Variants in KIF21B observed in about 807,000 individuals in gnomAD.
The protein encoded by KIF21B is kinesin family member 21B.
In KIF21B, 85 loss-of-function variants were observed where a neutral mutation model predicts 192.9. The ratio of observed to expected loss-of-function variants is 0.44; its 90% CI spans 0.37 to 0.53. The LOEUF (loss-of-function observed/expected upper bound fraction) is 0.53, where lower values mean the gene tolerates loss of function less well. Among genes scored for constraint, KIF21B ranks in the 20% least tolerant of loss-of-function variants. The pLI is 0.00. For synonymous variants in KIF21B, 832 were observed against 884.6 expected (o/e 0.94, Z 1.05); for missense variants, 1,716 against 2,194.8 (o/e 0.78, Z 4.36).
intron 1 of KIF21B, among the ~76,000 whole-genome samples, chr1:201,021,331 T>C (rs1658809868): frequency 6.6e-6 from 1 of 152,230 alleles, no homozygotes; most frequent in Admixed American, 6.5e-5. Context: ...GCGCTCATGC[T>C]GGGGTGGGAG....
chr1:200,974,272 C>A (rs907896539), intron 34 of KIF21B: 5 of 1,473,540 alleles, frequency 3.4e-6, no homozygotes, highest in Admixed American at 2.4e-5. Context: ...GGGACAAAGT[C>A]GGAACAAGAA....
chr1:200,978,571 T>G, intron 30 of KIF21B, among the ~76,000 whole-genome samples: 1 of 152,178 alleles, frequency 6.6e-6, no homozygotes, highest in South Asian at 2.1e-4. Flanking sequence ...ATGTTAGAGT[T>G]CACTCTTGGT....
Position 200,998,368 on chromosome 1 carries a change from AT to A in KIF21B, c.2077+15del, listed in dbSNP as rs775418365. ...GAGGGTCCGGATGGGGTGGAGGGGC[AT>A]GGCGGTGGCCTCACTGAGGTTCTGC... is the stretch of plus-strand genomic sequence containing the variant. On this transcript the variant is annotated intron_variant, in intron 14 of 34. Transcript: ENST00000461742. The surrounding 1 kb of genome is among the most constrained non-coding windows in gnomAD (Gnocchi z 4.3). 52 of 1,603,436 alleles carry A rather than the reference AT, an allele frequency of 3.2e-5. No individual in the cohort carries two copies. Among genetic ancestry groups the A allele is most frequent in the Non-Finnish European group, 4.2e-5 (49 of 1,173,778 alleles).
intron 27 of KIF21B, 57 bp downstream of exon 27, chr1:200,984,802 C>T: frequency 7.6e-7 from 1 of 1,312,494 alleles, no homozygotes; most frequent in Non-Finnish European, 1.0e-6. Flanking sequence ...GGACCATCCA[C>T]AGGCTCCCCA....
At chr1:201,011,927 A>G (rs1369198563) in intron 1 of KIF21B, among the ~76,000 whole-genome samples, 1 of 152,250 alleles carries the variant, frequency 6.6e-6, no homozygotes, top group Non-Finnish European at 1.5e-5. Flanking sequence ...AGGGGGAGCA[A>G]CAGCCCTGCT....
chr1:200,997,106 C>T (rs1168102851), intron 14 of KIF21B, among the ~76,000 whole-genome samples: 1 of 152,216 alleles, frequency 6.6e-6, no homozygotes, highest in Non-Finnish European at 1.5e-5. Context: ...TGGTCTCCAG[C>T]TTCCACTTTC....
intron 32 of KIF21B, among the ~76,000 whole-genome samples, chr1:200,976,097 T>C (rs1655533679): frequency 6.6e-6 from 1 of 152,158 alleles, no homozygotes. Flanking sequence ...CTTTCCAGTT[T>C]CTTTTTTGTT....
rs1657424995 is a variant in KIF21B at position 201,000,562 on chromosome 1, T to G, written c.1513A>C (p.Ser505Arg). The G allele has an allele frequency of 6.2e-7, 1 of 1,613,350 alleles. No homozygotes were observed. ...CTCCTAGCCGAGGCCCGTGAGAGGC[T>G]GCGGCGCAGGGACTCGTTCATGGCT... ...SEAMNESLRR[S>R]LSRASARSPY... The change falls in exon 11 of 35, where the codon AGC becomes CGC. Residue 505 changes from serine (S) to arginine (R), a missense_variant. Ser to Arg is a moderately radical substitution (Grantham distance 110, BLOSUM62 -1). Around this residue, in one of 3 missense-constraint regions of KIF21B, gnomAD observed 1,087 missense variants for 1,316.6 expected, o/e 0.83. Transcript: ENST00000461742. The surrounding 1 kb of genome is among the most constrained non-coding windows in gnomAD (Gnocchi z 6.0).
intron 24 of KIF21B, 61 bp from the exon 25 acceptor site, chr1:200,987,262 C>T: frequency 1.4e-6 from 2 of 1,457,472 alleles, no homozygotes; most frequent in Admixed American, 2.1e-5. Flanking sequence ...TAAAGGGGAG[C>T]CAGGGGAAAT....
intron 34 of KIF21B, 178 bp from the exon 35 acceptor site, chr1:200,973,756 G>GCTC (rs1404991390): frequency 6.8e-7 from 1 of 1,463,224 alleles, no homozygotes; most frequent in East Asian, 2.6e-5. Context: ...TGGGCAGATG[G>GCTC]AGAGGCCTGT....
intron 14 of KIF21B, among the ~76,000 whole-genome samples, chr1:200,997,070 T>C (rs1298167824): frequency 6.6e-6 from 1 of 152,206 alleles, no homozygotes; most frequent in African/African-American, 2.4e-5. Flanking sequence ...CCACCTCTCC[T>C]GGGATCTTTA....
chr1:200,988,781 A>G lies in KIF21B; in HGVS notation c.3283T>C (p.Tyr1095His). The G allele has an allele frequency of 6.2e-7, 1 of 1,613,526 alleles. No individual in the cohort carries two copies. The highest frequency in any genetic ancestry group is 2.2e-5 in the East Asian group (1 of 44,870). Residue 1095 changes from tyrosine (Y) to histidine (H), a missense_variant, in exon 22 of 35, where the codon TAC becomes CAC. Coordinates refer to ENST00000461742, the MANE Select transcript of KIF21B (RefSeq NM_001252102.2). ...EAHPELQALI[Y>H]NVQQENGYAS... is the part of the protein sequence containing the mutation. ...CTACCCGTACCCTGCTGCACATTGTAGATGAGGGCCTGCAGCTCGGGGTGA... is the reference window on the plus strand; with the variant it reads ...CTACCCGTACCCTGCTGCACATTGTGGATGAGGGCCTGCAGCTCGGGGTGA...
intron 1 of KIF21B, among the ~76,000 whole-genome samples, chr1:201,010,924 G>A (rs944645192): frequency 3.9e-5 from 6 of 152,234 alleles, no homozygotes; most frequent in Admixed American, 6.5e-5. Flanking sequence ...GCGGGGAGGG[G>A]TTGGGGGTGA....
At position 200,998,511 on chromosome 1, in the gene KIF21B, G is replaced by A. The variant is rs368106761; in HGVS notation, c.1950C>T (p.Ile650=). The stretch of plus-strand genomic sequence containing the variant: ...GCCGCTGGCTGTTCTCCAGCTCGTC[G>A]ATCAGCTTCTGCTTGATTTCGATCT... ...TCEIEIKQKL[I]DELENSQRRL... The change falls in exon 14 of 35, where the codon ATC becomes ATT. Residue 650 remains isoleucine (I), a synonymous_variant. Coordinates refer to ENST00000461742, the MANE Select transcript of KIF21B (RefSeq NM_001252102.2). The surrounding 1 kb of genome is among the most constrained non-coding windows in gnomAD (Gnocchi z 4.3). 7 of 1,613,806 alleles carry A rather than the reference G, an allele frequency of 4.3e-6. No individual in the cohort carries two copies. The highest frequency in any genetic ancestry group is 3.3e-5 in the Admixed American group (2 of 59,984).
chr1:200,987,532 C>A (rs1306312216), intron 24 of KIF21B, among the ~76,000 whole-genome samples: 1 of 152,190 alleles, frequency 6.6e-6, no homozygotes, highest in African/African-American at 2.4e-5. Flanking sequence ...GCATGAGCCA[C>A]CACACCCAGC....
intron 21 of KIF21B, among the ~76,000 whole-genome samples, chr1:200,989,571 T>C (rs1656538931): frequency 6.6e-6 from 1 of 152,182 alleles, no homozygotes; most frequent in South Asian, 2.1e-4. Flanking sequence ...GGTCTGTCTG[T>C]AGTTCCCCTA....
intron 3 of KIF21B, among the ~76,000 whole-genome samples, chr1:201,007,091 G>A (rs1256404030): frequency 1.1e-5 from 1 of 95,072 alleles, no homozygotes; most frequent in Non-Finnish European, 2.1e-5. Context: ...CACACACAGA[G>A]ACAGACACAC....
chr1:200,998,816 G>A lies in KIF21B; in HGVS notation c.1886-241C>T, dbSNP rs1191406527. 2.0e-5 allele frequency among the ~76,000 whole-genome samples: 3 copies of A among 152,288 alleles called. No homozygotes were observed. Among genetic ancestry groups the A allele is most frequent in the Admixed American group, 6.5e-5 (1 of 15,292 alleles). On this transcript the variant is annotated intron_variant, in intron 13 of 34. Coordinates refer to ENST00000461742, the MANE Select transcript of KIF21B (RefSeq NM_001252102.2). This position sits in a 1 kb window ranked among gnomAD's most constrained non-coding sequence, Gnocchi z 4.3. The stretch of plus-strand genomic sequence containing the variant: ...AGGAGCTGGCAGGGGGGATCTACAC[G>A]TCCTTCCCAGCCATTCGAGGCCAGC...
In KIF21B at chr1:200,991,678, G is replaced by T. The variant is rs1165724318; in HGVS notation, c.2433C>A (p.Val811=). 1.9e-6 allele frequency: 3 copies of T among 1,613,996 alleles called. No individual in the cohort carries two copies. In the African/African-American group the frequency reaches 4.0e-5, roughly 22 times the overall value. The change falls in exon 17 of 35, where the codon GTC becomes GTA. Residue 811 remains valine, a synonymous_variant. Transcript: ENST00000461742. ...LESQKRQQEM[V]LRRKTQEVSA... is the part of the protein sequence containing the mutation. ...TCACCTCCTGGGTCTTCCTCCTCAG[G>T]ACCATCTCCTGCTGCCGCTTCTGGG... is the stretch of plus-strand genomic sequence containing the variant.
Sources: allele counts gnomAD v4.1 joint callset (sites outside exome capture counted in the v4.1 genomes callset), GRCh38; gene constraint gnomAD v4.1.1; regional missense constraint gnomAD v4.1.1; non-coding constraint Gnocchi (gnomAD v3.1); transcripts MANE v1.5; gene names NCBI Gene and HGNC (gene_info 2026-07-23, HGNC 2026-07-21).